Variants in NAPG observed in about 807,000 individuals in gnomAD.
NAPG encodes the protein NSF attachment protein gamma.
In NAPG, 25 loss-of-function variants were observed where a neutral mutation model predicts 48.4. The observed-to-expected ratio is 0.52, with a 90% CI of 0.38 to 0.72. The LOEUF is 0.72. NAPG is among the 30% of genes least tolerant of loss of function. The probability of loss-of-function intolerance (pLI) is 0.00; values close to 1 mark genes in which losing one functional copy is unlikely to be tolerated. For synonymous variants in NAPG, 139 were observed against 127.2 expected (o/e 1.09, Z -0.62); for missense variants, 359 against 372.5 (o/e 0.96, Z 0.30).
chr18:10,529,769 C>T (rs980262595), intron 1 of NAPG, among the ~76,000 whole-genome samples: 1 of 152,072 alleles, frequency 6.6e-6, no homozygotes, highest in East Asian at 1.9e-4. Flanking sequence ...AAAAAAGAAG[C>T]TATGACTTTG....
chr18:10,548,221 A>G lies in NAPG; in HGVS notation c.586-78A>G, dbSNP rs1438061412. ...ACAAAGACTCTGAAAGTTAAACTCC[A>G]GGTGTTTTCAATACTGCCAGGTTAT... On this transcript the variant is annotated intron_variant, in intron 9 of 11. Transcript: ENST00000322897. This position sits in a 1 kb window ranked among gnomAD's most constrained non-coding sequence, Gnocchi z 4.4. The G allele has an allele frequency of 1.0e-6, 1 of 985,392 alleles. No homozygotes were observed. The highest frequency in any genetic ancestry group is 1.8e-5 in the Admixed American group (1 of 56,496). 61.0% of individuals were successfully genotyped at this position (985,392 alleles called of 1,614,324 possible).
intron 2 of NAPG, among the ~76,000 whole-genome samples, chr18:10,531,538 G>A (rs1031285989): frequency 1.3e-5 from 2 of 152,158 alleles, no homozygotes; most frequent in Non-Finnish European, 2.9e-5. Context: ...ACATTTGTTA[G>A]CCTAGCATAG....
intron 1 of NAPG, among the ~76,000 whole-genome samples, chr18:10,527,885 T>C (rs1169308546): frequency 6.6e-6 from 1 of 152,090 alleles, no homozygotes; most frequent in Non-Finnish European, 1.5e-5. Flanking sequence ...TTGCTTTTGG[T>C]GAAAGAAATG....
At chr18:10,536,179 G>T (rs925702687) in intron 5 of NAPG, among the ~76,000 whole-genome samples, 3 of 152,198 alleles carry the variant, frequency 2.0e-5, no homozygotes, top group African/African-American at 7.2e-5. Flanking sequence ...TAATTTGAGG[G>T]TTGGAAAGGC....
At chr18:10,532,683 A>G in intron 2 of NAPG, 28 bp from the exon 3 acceptor site, 1 of 1,533,992 alleles carries the variant, frequency 6.5e-7, no homozygotes, top group Non-Finnish European at 8.8e-7. Flanking sequence ...TTAATGATGG[A>G]AATAGTCAAT....
intron 9 of NAPG, among the ~76,000 whole-genome samples, chr18:10,547,021 A>G (rs1339042637): frequency 6.6e-6 from 1 of 152,202 alleles, no homozygotes; most frequent in African/African-American, 2.4e-5. Context: ...AGAGAGCTGG[A>G]AACGGAGTCC....
chr18:10,536,978 A>G (rs955104642), intron 5 of NAPG, among the ~76,000 whole-genome samples: 3 of 148,598 alleles, frequency 2.0e-5, no homozygotes, highest in Non-Finnish European at 4.4e-5. Context: ...TTTTTTTGAG[A>G]CAGGATCTTG....
intron 4 of NAPG, among the ~76,000 whole-genome samples, chr18:10,533,981 T>C (rs1333924442): frequency 1.3e-5 from 2 of 152,144 alleles, no homozygotes; most frequent in Non-Finnish European, 1.5e-5. Context: ...ACCTCGTCTC[T>C]ACTAAAAATA....
Position 10,539,625 on chromosome 18 carries a change from C to T in NAPG, c.259-137C>T, listed in dbSNP as rs2032105314. The T allele has an allele frequency of 1.4e-6, 1 of 700,188 alleles. No individual in the cohort carries two copies. Among genetic ancestry groups the T allele is most frequent in the Non-Finnish European group, 2.5e-6 (1 of 406,842 alleles). The allele number at this position is 700,188 out of a possible 1,614,324, so 43.4% of individuals were successfully genotyped here. On this transcript the variant is annotated intron_variant, in intron 5 of 11. Transcript: ENST00000322897. The surrounding 1 kb of genome is among the most constrained non-coding windows in gnomAD (Gnocchi z 4.7). Reference sequence around the variant, plus strand: ...AGCAAACCACCATGGGACATGTATACCTATGTAACAAACCTGCACATTCTG... The same window carrying T: ...AGCAAACCACCATGGGACATGTATATCTATGTAACAAACCTGCACATTCTG...
rs1238339875 is a variant in NAPG at position 10,542,404 on chromosome 18, T to C, written c.506+2005T>C. 6.6e-6 allele frequency among the ~76,000 whole-genome samples: 1 copy of C among 152,168 alleles called. No individual in the cohort carries two copies. Among genetic ancestry groups the C allele is most frequent in the Non-Finnish European group, 1.5e-5 (1 of 68,012 alleles). On this transcript the variant is annotated intron_variant, in intron 8 of 11. Transcript: ENST00000322897. This position sits in a 1 kb window ranked among gnomAD's most constrained non-coding sequence, Gnocchi z 4.5. The stretch of plus-strand genomic sequence containing the variant: ...TGAAAAGTGTTGCTGGGTATCTTGG[T>C]ATGAAAAAATTAAGTCTACTGTCAT...
chr18:10,550,417 C>T lies in NAPG; in HGVS notation c.*197C>T. On this transcript the variant is annotated 3_prime_UTR_variant, in exon 12 of 12. Transcript: ENST00000322897. ...CCTGTGAAGCATATCTTTTTCTTTCCATAAGAGCTTTTCTAAGACACCAGC... is the reference window on the plus strand; with the variant it reads ...CCTGTGAAGCATATCTTTTTCTTTCTATAAGAGCTTTTCTAAGACACCAGC... The T allele has an allele frequency of 2.0e-6, 1 of 488,126 alleles. No homozygotes were observed. Among genetic ancestry groups the T allele is most frequent in the Non-Finnish European group, 3.4e-6 (1 of 292,886 alleles). The allele number at this position is 488,126 out of a possible 1,614,324, so 30.2% of individuals were successfully genotyped here. A position where few individuals can be genotyped will look rare whatever the true frequency, so the allele number is the denominator to read the frequency against.
At chr18:10,549,119 C>G in intron 11 of NAPG, 23 bp downstream of exon 11, 1 of 1,585,058 alleles carries the variant, frequency 6.3e-7, no homozygotes, top group Non-Finnish European at 8.6e-7. Flanking sequence ...ATTTGCATAG[C>G]TTTCATCTTT....
chr18:10,533,141 T>G, intron 3 of NAPG: 2 of 257,246 alleles, frequency 7.8e-6, no homozygotes, highest in Non-Finnish European at 1.5e-5. Context: ...ATCAATTTTT[T>G]TAAATACAGT....
At chr18:10,526,239 C>CTTTCCCCCGGGGGGGGGG in intron 1 of NAPG, 81 bp downstream of exon 1, 1 of 349,042 alleles carries the variant, frequency 2.9e-6, no homozygotes, top group Non-Finnish European at 5.8e-6. Context: ...CCGGGGGGGG[C>CTTTCCCCCGGGGGGGGGG]GGGAGGGAGG....
At position 10,539,329 on chromosome 18, in the gene NAPG, TAA is replaced by T. The variant is rs1390695586; in HGVS notation, c.259-428_259-427del. On this transcript the variant is annotated intron_variant, in intron 5 of 11. Coordinates refer to ENST00000322897, the MANE Select transcript of NAPG (RefSeq NM_003826.3). The surrounding 1 kb of genome is among the most constrained non-coding windows in gnomAD (Gnocchi z 4.7). ...TACACCATGGAATACTATGCAGCTG[TAA>T]AAAAGAATGAGATCATGTCCTTTGC... The T allele has an allele frequency of 5.7e-6, 1 of 174,356 alleles. No individual in the cohort carries two copies. The highest frequency in any genetic ancestry group is 1.2e-5 in the Non-Finnish European group (1 of 81,182). 10.8% of individuals were successfully genotyped at this position (174,356 alleles called of 1,614,324 possible).
intron 7 of NAPG, 29 bp from the exon 8 acceptor site, chr18:10,540,300 C>T (rs1261963245): frequency 6.3e-7 from 1 of 1,589,914 alleles, no homozygotes; most frequent in South Asian, 1.1e-5. Flanking sequence ...TTAAAGCAGC[C>T]AACACTTGTT....
chr18:10,532,616 T>TA, intron 2 of NAPG, 95 bp from the exon 3 acceptor site: 1 of 864,062 alleles, frequency 1.2e-6, no homozygotes, highest in Non-Finnish European at 1.8e-6. Context: ...TTGAAGTAAG[T>TA]ATGTTTATAA....
chr18:10,550,316 T>A lies in NAPG; in HGVS notation c.*96T>A. The A allele has an allele frequency of 7.5e-7, 1 of 1,329,068 alleles. No homozygotes were observed. Among genetic ancestry groups the A allele is most frequent in the African/African-American group, 1.6e-5 (1 of 64,408 alleles). The allele number at this position is 1,329,068 out of a possible 1,614,324, so 82.3% of individuals were successfully genotyped here. A position where few individuals can be genotyped will look rare whatever the true frequency, so the allele number is the denominator to read the frequency against. ...TAGATTAGGGATATCCGTACTTCAT[T>A]ACAGTCATGATTTTGGATCCTAATA... On this transcript the variant is annotated 3_prime_UTR_variant, in exon 12 of 12. Coordinates refer to ENST00000322897, the MANE Select transcript of NAPG (RefSeq NM_003826.3).
rs1555612339 is a variant in NAPG at position 10,527,201 on chromosome 18, A to AG, written c.56+1043_56+1044insG. 6.7e-4 allele frequency among the ~76,000 whole-genome samples: 101 copies of AG among 149,638 alleles called. 1 individual carries two copies. Among genetic ancestry groups the AG allele is most frequent in the South Asian group, 4.9e-3 (23 of 4,692 alleles). On this transcript the variant is annotated intron_variant, in intron 1 of 11. Transcript: ENST00000322897. ...AGACTCCGTCTCAAAAAAAAAAAAA[A>AG]AAAAGAAAAGAAAAAGTCAGCATTG...
Sources: allele counts gnomAD v4.1 joint callset (sites outside exome capture counted in the v4.1 genomes callset), GRCh38; gene constraint gnomAD v4.1.1; non-coding constraint Gnocchi (gnomAD v3.1); transcripts MANE v1.5; gene names NCBI Gene and HGNC (gene_info 2026-07-23, HGNC 2026-07-21).